The following SMCHD1 variants were observed in gnomAD, a reference collection of about 807,000 sequenced individuals.
SMCHD1 encodes the protein structural maintenance of chromosomes flexible hinge domain-containing protein 1.
In SMCHD1, 78 loss-of-function variants were observed where a neutral mutation model predicts 254.7. The ratio of observed to expected loss-of-function variants is 0.31; its 90% CI spans 0.26 to 0.37. The LOEUF (loss-of-function observed/expected upper bound fraction) is 0.37. Among genes scored for constraint, SMCHD1 ranks in the 10% least tolerant of loss-of-function variants. The pLI, the probability that SMCHD1 is intolerant of heterozygous loss-of-function variation, is 1.00. For missense variants in SMCHD1, 1,840 were observed against 2,408.1 expected (o/e 0.76, Z 4.94); for synonymous variants, 766 against 794.9 (o/e 0.96, Z 0.61).
chr18:2,798,686 A>G (rs1039530533), intron 47 of SMCHD1, among the ~76,000 whole-genome samples: 1 of 152,258 alleles, frequency 6.6e-6, no homozygotes, highest in East Asian at 1.9e-4. Context: ...GGATATCAAA[A>G]TAAGACTTGG....
chr18:2,804,905 A>G lies in SMCHD1; in HGVS notation c.*2353A>G, dbSNP rs1035292970. 1 of 152,210 alleles carries G rather than the reference A, an allele frequency of 6.6e-6. No homozygotes were observed. Among genetic ancestry groups the G allele is most frequent in the Non-Finnish European group, 1.5e-5 (1 of 68,036 alleles). The allele number at this position is 152,210 out of a possible 1,614,324, so 9.4% of individuals were successfully genotyped here. A position where few individuals can be genotyped will look rare whatever the true frequency, so the allele number is the denominator to read the frequency against. ...GTTATATAATCTGAAATTTGTCACA[A>G]TGTTACAATCAGGAAGTTTTTTTTC... On this transcript the variant is annotated 3_prime_UTR_variant, in exon 48 of 48. Coordinates refer to ENST00000320876, the MANE Select transcript of SMCHD1 (RefSeq NM_015295.3).
At chr18:2,800,087 C>A (rs2076332945) in intron 47 of SMCHD1, among the ~76,000 whole-genome samples, 1 of 151,964 alleles carries the variant, frequency 6.6e-6, no homozygotes, top group Non-Finnish European at 1.5e-5. Flanking sequence ...GGGAAATAGT[C>A]TAGAAATAAT....
intron 21 of SMCHD1, among the ~76,000 whole-genome samples, chr18:2,725,412 T>C (rs1405566417): frequency 2.0e-5 from 3 of 151,730 alleles, no homozygotes; most frequent in Non-Finnish European, 2.9e-5. Context: ...TTTAAACATA[T>C]CACTTTGGTA....
Position 2,685,843 on chromosome 18 carries a change from T to G in SMCHD1, c.639-2551T>G, listed in dbSNP as rs1323476760. ...GTAATTCTCCACTGTACAACCATAC[T>G]GCGTTTTGTCTATCAGTTCATAGAT... On this transcript the variant is annotated intron_variant, in intron 5 of 47. Transcript: ENST00000320876. Among the ~76,000 whole-genome samples the G allele has an allele frequency of 2.0e-5, 3 of 152,366 alleles. No individual in the cohort carries two copies. In the East Asian group the frequency reaches 5.8e-4, roughly 29 times the overall value.
At chr18:2,767,257 C>CAAA (rs199548188) in intron 37 of SMCHD1, among the ~76,000 whole-genome samples, 1 of 130,966 alleles carries the variant, frequency 7.6e-6, no homozygotes. Context: ...GACCCTGTCT[C>CAAA]AAAAAAAAAA....
intron 5 of SMCHD1, among the ~76,000 whole-genome samples, chr18:2,679,173 G>C (rs2073860326): frequency 6.7e-6 from 1 of 148,596 alleles, no homozygotes; most frequent in Admixed American, 6.6e-5. Flanking sequence ...AAGGCTACTT[G>C]TGCTGGGTAA....
chr18:2,751,435 T>G, intron 33 of SMCHD1, 42 bp downstream of exon 33: 1 of 1,098,368 alleles, frequency 9.1e-7, no homozygotes, highest in Non-Finnish European at 1.3e-6. Flanking sequence ...AAATAGTTCT[T>G]ACATTTAACT....
Position 2,688,622 on chromosome 18 carries a change from T to A in SMCHD1, c.754-6T>A, listed in dbSNP as rs750684657. ...TTTAAAAAGTACTCTTTTTAATATT[T>A]AACAGATGATAAGCAAACCTGCAGA... On this transcript the variant is annotated splice_region_variant and splice_polypyrimidine_tract_variant and intron_variant, in intron 6 of 47. Transcript: ENST00000320876. 1.3e-6 allele frequency: 2 copies of A among 1,559,436 alleles called. No homozygotes were observed. The highest frequency in any genetic ancestry group is 4.0e-5 in the Admixed American group (2 of 49,888).
chr18:2,770,027 G>C lies in SMCHD1; in HGVS notation c.4885G>C (p.Glu1629Gln), dbSNP rs1313066928. 1 of 1,600,572 alleles carries C rather than the reference G, an allele frequency of 6.2e-7. No homozygotes were observed. Among genetic ancestry groups the C allele is most frequent in the Non-Finnish European group, 8.5e-7 (1 of 1,176,430 alleles). The part of the protein sequence containing the change: ...KQQQMAALTK[E>Q]KDQLSQSIVM... Reference sequence around the variant, plus strand: ...GCAACAAATGGCAGCACTTACAAAAGAAAAGGACCAATTATCTCAGTCTAT... The same window carrying C: ...GCAACAAATGGCAGCACTTACAAAACAAAAGGACCAATTATCTCAGTCTAT... The change falls in exon 39 of 48, where the codon GAA becomes CAA. Residue 1629 changes from glutamate (E) to glutamine (Q), a missense_variant. Glu to Gln is a conservative substitution (Grantham distance 29). Around this residue, in one of 9 missense-constraint regions of SMCHD1, gnomAD observed 881 missense variants for 1,009.5 expected, o/e 0.87. Transcript: ENST00000320876.
intron 10 of SMCHD1, among the ~76,000 whole-genome samples, chr18:2,698,702 G>C (rs1312296281): frequency 6.6e-6 from 1 of 151,510 alleles, no homozygotes; most frequent in East Asian, 1.9e-4. Flanking sequence ...AGAGAGATAG[G>C]GATTTAACAA....
intron 30 of SMCHD1, among the ~76,000 whole-genome samples, chr18:2,748,388 A>ATGTATAT (rs1568301304): frequency 0.03 from 1,516 of 50,502 alleles, 167 homozygotes; most frequent in African/African-American, 0.089. Flanking sequence ...GTGTGTATAT[A>ATGTATAT]AATTTTTTTT....
At chr18:2,774,933 G>T (rs115906031) in intron 41 of SMCHD1, among the ~76,000 whole-genome samples, 3,976 of 152,292 alleles carry the variant, frequency 0.026, 184 homozygotes, top group African/African-American at 0.09. Flanking sequence ...CTTGAACCTT[G>T]TTACACTGTT....
At chr18:2,781,579 G>A (rs964099650) in intron 44 of SMCHD1, among the ~76,000 whole-genome samples, 1 of 152,008 alleles carries the variant, frequency 6.6e-6, no homozygotes, top group African/African-American at 2.4e-5. Context: ...TGTTGAAAAT[G>A]AGAAAAGAAC....
rs1250509263 is a variant in SMCHD1, at chr18:2,777,794, C to A, written c.5367-12C>A. 3 of 1,413,132 alleles carry A rather than the reference C, an allele frequency of 2.1e-6. No homozygotes were observed. The highest frequency in any genetic ancestry group is 2.9e-6 in the Non-Finnish European group (3 of 1,047,088). The allele number at this position is 1,413,132 out of a possible 1,614,324, so 87.5% of individuals were successfully genotyped here. A position where few individuals can be genotyped will look rare whatever the true frequency, so the allele number is the denominator to read the frequency against. ...GTGCTTTAATATCTTTTTAAAATTTCTTTTTATTTAGATCTCTACCTCATT... is the reference window on the plus strand; with the variant it reads ...GTGCTTTAATATCTTTTTAAAATTTATTTTTATTTAGATCTCTACCTCATT... On this transcript the variant is annotated splice_polypyrimidine_tract_variant and intron_variant, in intron 42 of 47. Coordinates refer to ENST00000320876, the MANE Select transcript of SMCHD1 (RefSeq NM_015295.3).
chr18:2,657,035 A>AT (rs1269788881), intron 1 of SMCHD1, among the ~76,000 whole-genome samples: 2 of 152,234 alleles, frequency 1.3e-5, no homozygotes, highest in Non-Finnish European at 2.9e-5. Flanking sequence ...AGGTGGTGGC[A>AT]TTGCCTGAGC....
At chr18:2,751,564 A>C (rs1461796793) in intron 33 of SMCHD1, among the ~76,000 whole-genome samples, 171 bp downstream of exon 33, 1 of 152,166 alleles carries the variant, frequency 6.6e-6, no homozygotes, top group Non-Finnish European at 1.5e-5. Context: ...TTCAAAATTA[A>C]AGATTGATGC....
At chr18:2,721,002 G>T (rs1185966819) in intron 19 of SMCHD1, among the ~76,000 whole-genome samples, 2 of 152,188 alleles carry the variant, frequency 1.3e-5, no homozygotes, top group Non-Finnish European at 2.9e-5. Flanking sequence ...TTTTGCTGGG[G>T]ATGAGGAGGG....
intron 17 of SMCHD1, among the ~76,000 whole-genome samples, chr18:2,709,875 C>T (rs1490324023): frequency 6.6e-6 from 1 of 152,196 alleles, no homozygotes; most frequent in African/African-American, 2.4e-5. Context: ...TCAATGGTGA[C>T]TGTGATGCAC....
chr18:2,734,210 A>G lies in SMCHD1; in HGVS notation c.3276+1718A>G, dbSNP rs531455784. ...CTTGGAAAGGAGGTAAGCCATTTTT[A>G]TCTCTATAAGCAGATTTGAAGGTAA... On this transcript the variant is annotated intron_variant, in intron 25 of 47. Transcript: ENST00000320876. Among the ~76,000 whole-genome samples, 6 of 152,258 alleles carry G rather than the reference A, an allele frequency of 3.9e-5. No individual in the cohort carries two copies. In the East Asian group the frequency reaches 5.8e-4, roughly 15 times the overall value.
Sources: allele counts gnomAD v4.1 joint callset (sites outside exome capture counted in the v4.1 genomes callset), GRCh38; gene constraint gnomAD v4.1.1; regional missense constraint gnomAD v4.1.1; transcripts MANE v1.5; gene names NCBI Gene and HGNC (gene_info 2026-07-23, HGNC 2026-07-21).